Variants in SGCZ observed in about 807,000 individuals in gnomAD.
The protein encoded by SGCZ is zeta-sarcoglycan.
Under a neutral mutation model 41.3 loss-of-function variants are expected in SGCZ, and 40 were observed. That is an observed-to-expected ratio of 0.97 (90% CI 0.75 to 1.26). The LOEUF (loss-of-function observed/expected upper bound fraction) is 1.26, where lower values mean the gene tolerates loss of function less well. Ranked by LOEUF, SGCZ falls within the 50% of genes most tolerant of loss-of-function variation. The pLI is 0.00. For missense variants in SGCZ, 552 were observed against 369.8 expected (o/e 1.49, Z -4.04); for synonymous variants, 206 against 137.5 (o/e 1.50, Z -3.49).
intron 1 of SGCZ, among the ~76,000 whole-genome samples, chr8:14,557,468 C>T (rs931093863): frequency 4.6e-5 from 7 of 152,118 alleles, no homozygotes; most frequent in Non-Finnish European, 7.4e-5. Flanking sequence ...ATTGCATTTG[C>T]TTTTGGGCTC....
At chr8:14,556,535 C>A (rs1401490040) in intron 1 of SGCZ, among the ~76,000 whole-genome samples, 2 of 151,926 alleles carry the variant, frequency 1.3e-5, no homozygotes, top group Non-Finnish European at 2.9e-5. Flanking sequence ...ATGCATCCAT[C>A]ACCTCAGCAG....
chr8:14,648,607 T>C (rs1385646728), intron 1 of SGCZ, among the ~76,000 whole-genome samples: 1 of 152,088 alleles, frequency 6.6e-6, no homozygotes, highest in Non-Finnish European at 1.5e-5. Context: ...GGTTTTTTGT[T>C]TTTCATTTTC....
intron 1 of SGCZ, among the ~76,000 whole-genome samples, chr8:14,929,626 C>A (rs1341152519): frequency 6.6e-6 from 1 of 151,932 alleles, no homozygotes; most frequent in Non-Finnish European, 1.5e-5. Flanking sequence ...CTCAGCAGAT[C>A]CCCATTAGTC....
At chr8:14,733,909 G>T (rs963910260) in intron 1 of SGCZ, among the ~76,000 whole-genome samples, 3 of 152,182 alleles carry the variant, frequency 2.0e-5, no homozygotes, top group Non-Finnish European at 4.4e-5. Flanking sequence ...CCTCTGAGTA[G>T]ATACTTGTCT....
chr8:15,037,365 A>T (rs950602522), intron 1 of SGCZ, among the ~76,000 whole-genome samples: 3 of 152,188 alleles, frequency 2.0e-5, no homozygotes, highest in African/African-American at 4.8e-5. Flanking sequence ...CTTCCCCTTC[A>T]GCCAGAATTA....
At chr8:14,114,938 A>G (rs1337820497) in intron 5 of SGCZ, among the ~76,000 whole-genome samples, 5 of 152,000 alleles carry the variant, frequency 3.3e-5, no homozygotes, top group African/African-American at 1.2e-4. Flanking sequence ...AGAAAACAGA[A>G]TTAAAAAGAA....
chr8:14,788,383 G>C (rs1322941886), intron 1 of SGCZ, among the ~76,000 whole-genome samples: 2 of 152,100 alleles, frequency 1.3e-5, no homozygotes, highest in South Asian at 4.1e-4. Flanking sequence ...CCAATTAGGA[G>C]GAAGAAAATG....
intron 1 of SGCZ, among the ~76,000 whole-genome samples, chr8:14,894,290 T>C (rs1394952087): frequency 2.0e-5 from 3 of 152,204 alleles, no homozygotes; most frequent in Admixed American, 2.0e-4. Flanking sequence ...GGTTCTCCCA[T>C]AACCTCTCTC....
At chr8:14,240,117 A>G (rs1187511351) in intron 3 of SGCZ, among the ~76,000 whole-genome samples, 1 of 151,772 alleles carries the variant, frequency 6.6e-6, no homozygotes, top group African/African-American at 2.4e-5. Flanking sequence ...ACCTGAGGCC[A>G]GGAGTTTGAA....
rs58252790 is a variant in SGCZ, at chr8:14,778,523, T to TAA, written c.40-223599_40-223598dup. 7.0e-4 allele frequency among the ~76,000 whole-genome samples: 106 copies of TAA among 150,566 alleles called. 4 individuals carry two copies. In the South Asian group the frequency reaches 0.02, roughly 28 times the overall value. Reference sequence around the variant, plus strand: ...AATTTCTGTTCATCTAAAGACACCTTAAAAAAAAACAGAAAAGACAGTGTA... The same window carrying TAA: ...AATTTCTGTTCATCTAAAGACACCTTAAAAAAAAAAACAGAAAAGACAGTGTA... On this transcript the variant is annotated intron_variant, in intron 1 of 7. Coordinates refer to ENST00000382080, the MANE Select transcript of SGCZ (RefSeq NM_139167.4).
chr8:14,960,871 G>A lies in SGCZ; in HGVS notation c.39+276714C>T, dbSNP rs1374101198. ...AGACAGAATCATGTGGCCTTTGAAAGTGGAATTGTATTCACTTAGAAAAGC... is the reference window on the plus strand; with the variant it reads ...AGACAGAATCATGTGGCCTTTGAAAATGGAATTGTATTCACTTAGAAAAGC... On this transcript the variant is annotated intron_variant, in intron 1 of 7. Transcript: ENST00000382080. Among the ~76,000 whole-genome samples the A allele has an allele frequency of 4.6e-5, 7 of 151,878 alleles. No homozygotes were observed. In the East Asian group the frequency reaches 1.4e-3, roughly 29 times the overall value.
intron 5 of SGCZ, among the ~76,000 whole-genome samples, chr8:14,158,372 G>A (rs79820044): frequency 0.041 from 6,231 of 152,064 alleles, 429 homozygotes; most frequent in African/African-American, 0.14. Flanking sequence ...CCAGGTATCC[G>A]GGTAATGCGA....
intron 2 of SGCZ, among the ~76,000 whole-genome samples, chr8:14,539,508 T>C (rs1487366706): frequency 6.6e-6 from 1 of 151,860 alleles, no homozygotes; most frequent in Non-Finnish European, 1.5e-5. Context: ...CCAGCAACTG[T>C]TTTTTTGTTT....
At chr8:15,077,755 G>T (rs17120868) in intron 1 of SGCZ, among the ~76,000 whole-genome samples, 1 of 152,020 alleles carries the variant, frequency 6.6e-6, no homozygotes, top group Non-Finnish European at 1.5e-5. Flanking sequence ...GATAAAGGTA[G>T]ACACTAAACA....
chr8:14,106,992 G>A (rs986738887), intron 6 of SGCZ, among the ~76,000 whole-genome samples: 7 of 152,104 alleles, frequency 4.6e-5, no homozygotes, highest in African/African-American at 1.7e-4. Flanking sequence ...CGAGGAGGGC[G>A]GATCAGAAGG....
At chr8:14,880,504 G>A (rs891387832) in intron 1 of SGCZ, among the ~76,000 whole-genome samples, 1 of 152,236 alleles carries the variant, frequency 6.6e-6, no homozygotes, top group East Asian at 1.9e-4. Context: ...ACACGCACAC[G>A]TATGTTTACT....
At chr8:14,713,587 C>A (rs193282071) in intron 1 of SGCZ, among the ~76,000 whole-genome samples, 56 of 150,552 alleles carry the variant, frequency 3.7e-4, no homozygotes, top group African/African-American at 1.3e-3. Flanking sequence ...GTTGTGATTA[C>A]GAAGAACTGT....
chr8:14,786,175 C>G (rs1334692031), intron 1 of SGCZ, among the ~76,000 whole-genome samples: 1 of 152,068 alleles, frequency 6.6e-6, no homozygotes, highest in East Asian at 1.9e-4. Context: ...AACATTAGTT[C>G]TCGTTTTGTC....
chr8:14,161,945 G>A (rs1804059829), intron 5 of SGCZ, among the ~76,000 whole-genome samples: 1 of 152,030 alleles, frequency 6.6e-6, no homozygotes, highest in South Asian at 2.1e-4. Flanking sequence ...GCAATAGGAG[G>A]AAGAAGGGAG....
Sources: gnomAD v4.1 joint callset for allele counts (sites outside exome capture counted in the v4.1 genomes callset) on GRCh38, gnomAD v4.1.1 for gene constraint, MANE v1.5 for transcripts, NCBI Gene and HGNC (gene_info 2026-07-23, HGNC 2026-07-21) for gene names.